The following PCDHA5 variants were observed in gnomAD, a reference collection of about 807,000 sequenced individuals.
The protein encoded by PCDHA5 is protocadherin alpha-5.
PCDHA5 carries 43 observed loss-of-function variants against 61.6 expected under a neutral mutation model. That is an observed-to-expected ratio of 0.70 (90% CI 0.55 to 0.90). PCDHA5 has a LOEUF of 0.90. Ranked by LOEUF, PCDHA5 falls within the 40% of genes least tolerant of loss-of-function variation. The pLI, the probability that PCDHA5 is intolerant of heterozygous loss-of-function variation, is 0.00. For missense variants in PCDHA5, 1,298 were observed against 1,222.7 expected, an observed-to-expected ratio of 1.06 and a Z score of -0.92; for synonymous variants, 627 against 543.9, an observed-to-expected ratio of 1.15 and a Z score of -2.13.
At chr5:140,984,588 T>C (rs1338170509) in intron 3 of PCDHA5, among the ~76,000 whole-genome samples, 1 of 152,170 alleles carries the variant, frequency 6.6e-6, no homozygotes, top group Non-Finnish European at 1.5e-5. Flanking sequence ...AATCATACTT[T>C]TCAATACATA....
chr5:140,835,537 T>TTGCTCCCTG lies in PCDHA5; in HGVS notation c.2352+11411_2352+11412insGCTCCCTGT. On this transcript the variant is annotated intron_variant, in intron 1 of 3. Transcript: ENST00000529859. ...CGAGATTTTGGAGTCAACGGACAGG[T>TTGCTCCCTG]TACCTGCTCCCTGACGCCCCGCGTT... The TTGCTCCCTG allele has an allele frequency of 1.9e-6, 3 of 1,613,926 alleles. No individual in the cohort carries two copies. In the East Asian group the frequency reaches 6.7e-5, roughly 36 times the overall value.
At chr5:140,915,190 G>A (rs1317793585) in intron 1 of PCDHA5, among the ~76,000 whole-genome samples, 1 of 151,978 alleles carries the variant, frequency 6.6e-6, no homozygotes, top group Non-Finnish European at 1.5e-5. Context: ...CTAGTGATCC[G>A]CCCATCTTGG....
intron 1 of PCDHA5, among the ~76,000 whole-genome samples, chr5:140,918,659 G>A (rs1584109247): frequency 6.6e-6 from 1 of 152,172 alleles, no homozygotes; most frequent in Non-Finnish European, 1.5e-5. Context: ...TTCTCATGTT[G>A]ATGGTATGAA....
intron 1 of PCDHA5, among the ~76,000 whole-genome samples, chr5:140,896,345 C>T (rs113477424): frequency 0.12 from 18,881 of 152,098 alleles, 1,242 homozygotes; most frequent in Middle Eastern, 0.19. Flanking sequence ...TTTATATTCC[C>T]GCCAGCAGTG....
intron 3 of PCDHA5, among the ~76,000 whole-genome samples, chr5:141,002,021 C>T (rs1177146388): frequency 6.6e-6 from 1 of 152,184 alleles, no homozygotes; most frequent in Non-Finnish European, 1.5e-5. Context: ...GCACAGCCTT[C>T]GGTGCCCTGA....
At chr5:140,920,835 C>T (rs1253933771) in intron 1 of PCDHA5, among the ~76,000 whole-genome samples, 1 of 141,740 alleles carries the variant, frequency 7.1e-6, no homozygotes, top group Non-Finnish European at 1.5e-5. Flanking sequence ...GGAGCAAGAC[C>T]AAATCTAAAA....
At chr5:140,869,391 C>CG (rs2051094995) in intron 1 of PCDHA5, 1 of 1,614,020 alleles carries the variant, frequency 6.2e-7, no homozygotes, top group Non-Finnish European at 8.5e-7. Context: ...AGGAGCTGTG[C>CG]GGGCAGAGCG....
intron 1 of PCDHA5, among the ~76,000 whole-genome samples, chr5:140,930,847 A>G (rs1411771257): frequency 6.6e-6 from 1 of 152,224 alleles, no homozygotes; most frequent in Non-Finnish European, 1.5e-5. Context: ...AAATATGTGC[A>G]TATATGAATT....
At chr5:140,886,916 G>A (rs1170747823) in intron 1 of PCDHA5, among the ~76,000 whole-genome samples, 1 of 151,436 alleles carries the variant, frequency 6.6e-6, no homozygotes, top group Non-Finnish European at 1.5e-5. Flanking sequence ...CTTATTGAGT[G>A]TTCTCTATGT....
chr5:140,967,984 C>G (rs2096207352), intron 1 of PCDHA5: 2 of 1,614,100 alleles, frequency 1.2e-6, no homozygotes, highest in African/African-American at 2.7e-5. Flanking sequence ...GTCTGGAGGC[C>G]ACACTGCCTT....
At chr5:140,876,004 T>A in intron 1 of PCDHA5, 1 of 1,613,866 alleles carries the variant, frequency 6.2e-7, no homozygotes, top group African/African-American at 1.3e-5. Context: ...AAATGAGAAT[T>A]TTGAGCTTAA....
chr5:140,833,453 A>T (rs1238975338), intron 1 of PCDHA5, among the ~76,000 whole-genome samples: 3 of 152,230 alleles, frequency 2.0e-5, no homozygotes, highest in Non-Finnish European at 4.4e-5. Context: ...ATCTAATAAA[A>T]TAAACTTACA....
At chr5:140,995,267 C>T (rs552857413) in intron 3 of PCDHA5, among the ~76,000 whole-genome samples, 1 of 152,192 alleles carries the variant, frequency 6.6e-6, no homozygotes, top group Non-Finnish European at 1.5e-5. Context: ...GAATACAAGC[C>T]CTTTGATACC....
At chr5:140,834,262 C>G in intron 1 of PCDHA5, 2 of 985,852 alleles carry the variant, frequency 2.0e-6, no homozygotes, top group Admixed American at 2.4e-5. Flanking sequence ...ACGCTCCACT[C>G]TCTTTCACTC....
chr5:140,900,342 A>T (rs965236795), intron 1 of PCDHA5, among the ~76,000 whole-genome samples: 3 of 152,034 alleles, frequency 2.0e-5, no homozygotes, highest in South Asian at 2.1e-4. Context: ...CCGTGGCGCA[A>T]TCTTGGCTCA....
At chr5:140,870,325 C>G in intron 1 of PCDHA5, 1 of 1,614,198 alleles carries the variant, frequency 6.2e-7, no homozygotes. Flanking sequence ...CTCGTTGGTG[C>G]TGGACAGCGC....
chr5:140,872,828 A>G (rs1393520150), intron 1 of PCDHA5, among the ~76,000 whole-genome samples: 2 of 152,234 alleles, frequency 1.3e-5, no homozygotes, highest in African/African-American at 4.8e-5. Flanking sequence ...CATCTAGCAG[A>G]GAAAAAATTA....
At chr5:140,938,187 C>T (rs1584944424) in intron 1 of PCDHA5, among the ~76,000 whole-genome samples, 1 of 152,158 alleles carries the variant, frequency 6.6e-6, no homozygotes, top group Admixed American at 6.5e-5. Context: ...CTCAAGCAAT[C>T]CTCCCACGCC....
chr5:140,861,090 T>C (rs1449145259), intron 1 of PCDHA5: 1 of 152,308 alleles, frequency 6.6e-6, no homozygotes, highest in African/African-American at 2.4e-5. Flanking sequence ...GAAGCTCCAT[T>C]GTTCCTGTAC....
Sources: gnomAD v4.1 joint callset for allele counts (sites outside exome capture counted in the v4.1 genomes callset) on GRCh38, gnomAD v4.1.1 for gene constraint, MANE v1.5 for transcripts, NCBI Gene and HGNC (gene_info 2026-07-23, HGNC 2026-07-21) for gene names.